The following FBXO16 variants were observed in gnomAD, a reference collection of about 807,000 sequenced individuals.
The protein encoded by FBXO16 is F-box only protein 16.
Under a neutral mutation model 41.0 loss-of-function variants are expected in FBXO16, and 31 were observed. The observed-to-expected ratio is 0.76, with a 90% CI of 0.57 to 1.02. The LOEUF (loss-of-function observed/expected upper bound fraction) is 1.02. FBXO16 is among the 50% of genes least tolerant of loss of function. FBXO16 has a pLI of 0.00. For missense variants in FBXO16, 361 were observed against 346.2 expected (o/e 1.04, Z -0.34); for synonymous variants, 133 against 117.8 (o/e 1.13, Z -0.84).
chr8:28,451,780 C>A (rs1372513063), intron 6 of FBXO16, among the ~76,000 whole-genome samples: 1 of 151,882 alleles, frequency 6.6e-6, no homozygotes, highest in Non-Finnish European at 1.5e-5. Context: ...GTCAGGAGTT[C>A]AAGACCAGCC....
intron 3 of FBXO16, among the ~76,000 whole-genome samples, chr8:28,470,967 C>G (rs1474346334): frequency 1.3e-5 from 2 of 152,114 alleles, no homozygotes; most frequent in African/African-American, 4.8e-5. Flanking sequence ...TATTATGTTA[C>G]TATTATTTAT....
chr8:28,449,628 T>C (rs1327246400), intron 6 of FBXO16, among the ~76,000 whole-genome samples: 1 of 152,042 alleles, frequency 6.6e-6, no homozygotes, highest in East Asian at 1.9e-4. Context: ...TGGCCTGATC[T>C]TCTTGGGAGT....
intron 4 of FBXO16, among the ~76,000 whole-genome samples, chr8:28,459,064 G>C (rs959790718): frequency 6.6e-6 from 1 of 152,132 alleles, no homozygotes; most frequent in Admixed American, 6.5e-5. Context: ...GATAGAATTA[G>C]CTATTTCAAA....
chr8:28,474,380 GAAAGA>G lies in FBXO16; in HGVS notation c.100-578_100-574del, dbSNP rs1478989494. Among the ~76,000 whole-genome samples, 377 of 97,544 alleles carry G rather than the reference GAAAGA, an allele frequency of 3.9e-3. 3 individuals carry two copies. The highest frequency in any genetic ancestry group is 0.012 in the African/African-American group (346 of 29,082). The allele number at this position is 97,544 out of a possible 152,430, so 64.0% of individuals were successfully genotyped here. On this transcript the variant is annotated intron_variant, in intron 2 of 8. Coordinates refer to ENST00000380254, the MANE Select transcript of FBXO16 (RefSeq NM_172366.4). Reference sequence around the variant, plus strand: ...AGAGAGAAAGAAGAAAAGAAAAAATGAAAGAAAAGAAAAGAAAAAATAGTTTTTTT... The same window carrying G: ...AGAGAGAAAGAAGAAAAGAAAAAATGAAAGAAAAGAAAAAATAGTTTTTTT...
chr8:28,463,316 GTA>G (rs989474380), intron 4 of FBXO16, among the ~76,000 whole-genome samples: 21 of 151,312 alleles, frequency 1.4e-4, no homozygotes, highest in East Asian at 3.9e-4. Context: ...GTGTGTGTGT[GTA>G]TATGTGTATG....
intron 2 of FBXO16, among the ~76,000 whole-genome samples, chr8:28,478,241 A>C (rs1803453604): frequency 6.6e-6 from 1 of 152,178 alleles, no homozygotes; most frequent in Non-Finnish European, 1.5e-5. Flanking sequence ...ATTACATTGG[A>C]TAAAAATCTA....
intron 7 of FBXO16, among the ~76,000 whole-genome samples, chr8:28,438,981 T>C (rs1802723980): frequency 6.6e-6 from 1 of 151,618 alleles, no homozygotes; most frequent in Admixed American, 6.6e-5. Flanking sequence ...GTGCCTGTAA[T>C]CCAAGCTACT....
rs566801527 is a variant in FBXO16 at position 28,441,275 on chromosome 8, C to T, written c.843+5896G>A. Among the ~76,000 whole-genome samples, 114 of 152,260 alleles carry T rather than the reference C, an allele frequency of 7.5e-4. 1 individual carries two copies. The highest frequency in any genetic ancestry group is 1.8e-3 in the Admixed American group (28 of 15,274). On this transcript the variant is annotated intron_variant, in intron 7 of 8. Transcript: ENST00000380254. ...CTTCCAGGAGCAGAAACAACAAATT[C>T]GTCCCCTAATCTCTAGACCAGCAGG...
intron 3 of FBXO16, among the ~76,000 whole-genome samples, chr8:28,471,805 C>CAAAAAA (rs557259701): frequency 4.2e-5 from 1 of 23,750 alleles, no homozygotes; most frequent in African/African-American, 7.8e-5. Flanking sequence ...CAGAGAATCT[C>CAAAAAA]AAAAAAAAAA....
intron 5 of FBXO16, among the ~76,000 whole-genome samples, chr8:28,454,794 A>G (rs78858640): frequency 0.035 from 5,325 of 151,128 alleles, 284 homozygotes; most frequent in East Asian, 0.16. Context: ...ACACTTTAAC[A>G]AAATAGGTAA....
intron 3 of FBXO16, among the ~76,000 whole-genome samples, chr8:28,467,596 T>A (rs1053963756): frequency 2.6e-5 from 4 of 152,216 alleles, no homozygotes; most frequent in African/African-American, 9.7e-5. Flanking sequence ...TAAAAAGATG[T>A]GCGCATAAAA....
chr8:28,443,430 C>T, intron 7 of FBXO16, among the ~76,000 whole-genome samples: 1 of 152,076 alleles, frequency 6.6e-6, no homozygotes, highest in East Asian at 1.9e-4. Context: ...GTGTTCAGGT[C>T]TCAGGTAACC....
intron 4 of FBXO16, among the ~76,000 whole-genome samples, chr8:28,462,277 C>CTT (rs377494554): frequency 1.0e-4 from 14 of 133,540 alleles, no homozygotes; most frequent in African/African-American, 2.5e-4. Context: ...TCTTCTTCTT[C>CTT]TTTTTTTTTT....
At chr8:28,482,088 C>T (rs901957759) in intron 2 of FBXO16, among the ~76,000 whole-genome samples, 3 of 152,202 alleles carry the variant, frequency 2.0e-5, no homozygotes, top group Non-Finnish European at 2.9e-5. Flanking sequence ...GCAAACATAA[C>T]GTTCATGCCA....
At chr8:28,483,671 TAAAC>T (rs201711911) in intron 1 of FBXO16, among the ~76,000 whole-genome samples, 119 of 148,122 alleles carry the variant, frequency 8.0e-4, no homozygotes, top group Middle Eastern at 3.4e-3. Context: ...ATAAATGTAA[TAAAC>T]AAACAAACAA....
At chr8:28,472,728 A>C (rs1177137759) in intron 3 of FBXO16, among the ~76,000 whole-genome samples, 1 of 152,136 alleles carries the variant, frequency 6.6e-6, no homozygotes, top group African/African-American at 2.4e-5. Context: ...CTGGGCAACA[A>C]GAGCAAAACT....
At chr8:28,442,939 G>A (rs1438753988) in intron 7 of FBXO16, among the ~76,000 whole-genome samples, 1 of 152,020 alleles carries the variant, frequency 6.6e-6, no homozygotes, top group Non-Finnish European at 1.5e-5. Flanking sequence ...AAGGCTCTAA[G>A]TAATGACAGG....
intron 3 of FBXO16, among the ~76,000 whole-genome samples, chr8:28,472,886 C>G (rs1239321335): frequency 1.3e-5 from 2 of 152,188 alleles, no homozygotes; most frequent in Non-Finnish European, 2.9e-5. Context: ...GTTGCTGTTC[C>G]TATCAGGATC....
intron 3 of FBXO16, among the ~76,000 whole-genome samples, chr8:28,471,364 A>G (rs945951242): frequency 1.3e-5 from 2 of 152,080 alleles, no homozygotes; most frequent in Non-Finnish European, 1.5e-5. Flanking sequence ...GTCTACAGTG[A>G]AAATCCCAAG....
Sources: gnomAD v4.1 joint callset for allele counts (sites outside exome capture counted in the v4.1 genomes callset) on GRCh38, gnomAD v4.1.1 for gene constraint, MANE v1.5 for transcripts, NCBI Gene and HGNC (gene_info 2026-07-23, HGNC 2026-07-21) for gene names.